Variants in GLIS3 observed in about 807,000 individuals in gnomAD.
GLIS3 encodes the protein GLIS family zinc finger 3.
In GLIS3, 53 loss-of-function variants were observed where a neutral mutation model predicts 78.6. The observed-to-expected ratio is 0.67, with a 90% CI of 0.54 to 0.85. The LOEUF is 0.85. Among genes scored for constraint, GLIS3 ranks in the 40% least tolerant of loss-of-function variants. GLIS3 has a pLI of 0.00. For synonymous variants in GLIS3, 684 were observed against 509.9 expected (o/e 1.34, Z -4.60); for missense variants, 1,703 against 1,231.1 (o/e 1.38, Z -5.74).
chr9:4,350,059 G>C (rs1466592125), upstream of GLIS3, among the ~76,000 whole-genome samples: 1 of 152,242 alleles, frequency 6.6e-6, no homozygotes, highest in African/African-American at 2.4e-5. Flanking sequence ...GAGAGAGTCA[G>C]ATTGCAAGTT....
chr9:4,127,760 T>C (rs1192217668), intron 2 of GLIS3, among the ~76,000 whole-genome samples: 1 of 146,848 alleles, frequency 6.8e-6, no homozygotes, highest in Non-Finnish European at 1.5e-5. Flanking sequence ...AAAAGCAACA[T>C]CAATTATCAA....
chr9:4,014,903 A>T (rs1417093888), intron 4 of GLIS3, among the ~76,000 whole-genome samples: 1 of 152,200 alleles, frequency 6.6e-6, no homozygotes, highest in Non-Finnish European at 1.5e-5. Flanking sequence ...ATTCCTTTCG[A>T]CATTCACTGA....
chr9:4,382,216 C>T, the GLIS3 span, among the ~76,000 whole-genome samples: 1 of 152,120 alleles, frequency 6.6e-6, no homozygotes, highest in African/African-American at 2.4e-5. Flanking sequence ...AATGACACAT[C>T]TGGAAAAATC....
intron 8 of GLIS3, among the ~76,000 whole-genome samples, chr9:3,866,963 C>A (rs1230627230): frequency 1.3e-5 from 2 of 152,058 alleles, no homozygotes; most frequent in African/African-American, 4.8e-5. Flanking sequence ...GTGGCTTGAA[C>A]TAGGGAGGAG....
At chr9:3,987,504 C>G (rs1819837419) in intron 4 of GLIS3, among the ~76,000 whole-genome samples, 1 of 151,658 alleles carries the variant, frequency 6.6e-6, no homozygotes, top group Admixed American at 6.6e-5. Context: ...GAGTTCGAGA[C>G]CAGCCTGGCC....
At chr9:4,238,342 G>C (rs1207930009) in intron 2 of GLIS3, among the ~76,000 whole-genome samples, 1 of 152,142 alleles carries the variant, frequency 6.6e-6, no homozygotes, top group Non-Finnish European at 1.5e-5. Flanking sequence ...TGTTGTTTTG[G>C]TGGAGAGGAA....
At chr9:4,097,771 T>C (rs974797365) in intron 4 of GLIS3, among the ~76,000 whole-genome samples, 1 of 152,196 alleles carries the variant, frequency 6.6e-6, no homozygotes, top group Non-Finnish European at 1.5e-5. Flanking sequence ...AGGCAGTTTA[T>C]TGAGATCATA....
At position 4,118,805 on chromosome 9, in the gene GLIS3, G is replaced by C. The variant is rs1228985198; in HGVS notation, c.673C>G (p.Gln225Glu). The change falls in exon 4 of 11, where the codon CAG becomes GAG. Residue 225 changes from glutamine (Q) to glutamate (E), a missense_variant. Physicochemically the swap from Gln to Glu is conservative, Grantham distance 29. Coordinates refer to ENST00000381971, the MANE Select transcript of GLIS3 (RefSeq NM_001042413.2). The surrounding 1 kb of genome is among the most constrained non-coding windows in gnomAD (Gnocchi z 4.7). ...GCCCTGTAGCCCTGGGACCACTCCT[G>C]CTTCATGCTTGAGGCCGACTGACTT... Reference protein sequence around the residue: ...TESQSASSMKQEWSQGYRALP... With the variant: ...TESQSASSMKEEWSQGYRALP... 6.2e-7 allele frequency: 1 copy of C among 1,609,994 alleles called. No homozygotes were observed.
chr9:4,389,073 T>C, the GLIS3 span, among the ~76,000 whole-genome samples: 4 of 152,212 alleles, frequency 2.6e-5, no homozygotes, highest in Admixed American at 2.6e-4. Flanking sequence ...TAAGCCTGAA[T>C]TGGATGAATG....
intron 4 of GLIS3, among the ~76,000 whole-genome samples, chr9:3,953,762 T>G (rs1032797555): frequency 2.3e-4 from 16 of 70,736 alleles, no homozygotes; most frequent in African/African-American, 7.8e-4. Flanking sequence ...TTAGATTTGC[T>G]CTCTCTCTCT....
At chr9:4,417,196 T>C in the GLIS3 span, among the ~76,000 whole-genome samples, 2 of 152,138 alleles carry the variant, frequency 1.3e-5, no homozygotes, top group East Asian at 3.8e-4. Flanking sequence ...ATATAGTGAT[T>C]TGTGGACTGA....
At chr9:4,022,072 C>T (rs970920247) in intron 4 of GLIS3, among the ~76,000 whole-genome samples, 5 of 152,186 alleles carry the variant, frequency 3.3e-5, no homozygotes, top group African/African-American at 1.2e-4. Flanking sequence ...CAGGTGGTGA[C>T]AACTTAATGT....
chr9:3,971,675 T>C (rs1438295761), intron 4 of GLIS3, among the ~76,000 whole-genome samples: 4 of 152,202 alleles, frequency 2.6e-5, no homozygotes, highest in East Asian at 3.8e-4. Flanking sequence ...GGTTATCTGA[T>C]TGGCACACCG....
chr9:3,886,455 C>T (rs961631910), intron 7 of GLIS3, among the ~76,000 whole-genome samples: 9 of 152,136 alleles, frequency 5.9e-5, no homozygotes, highest in East Asian at 3.8e-4. Context: ...CGTTAAGGAG[C>T]GAAAATGGGC....
At chr9:4,233,724 G>A (rs1340371294) in intron 2 of GLIS3, among the ~76,000 whole-genome samples, 1 of 152,196 alleles carries the variant, frequency 6.6e-6, no homozygotes, top group Non-Finnish European at 1.5e-5. Flanking sequence ...CCTGTCCTTT[G>A]AAGCTTTGAA....
At chr9:4,227,853 T>C (rs1396635818) in intron 2 of GLIS3, among the ~76,000 whole-genome samples, 1 of 152,204 alleles carries the variant, frequency 6.6e-6, no homozygotes, top group Non-Finnish European at 1.5e-5. Context: ...GAATGAAATG[T>C]TCTTCACTTC....
intron 2 of GLIS3, among the ~76,000 whole-genome samples, chr9:4,328,850 A>G (rs1203025281): frequency 6.6e-6 from 1 of 152,222 alleles, no homozygotes. Context: ...CAAGCATCCA[A>G]TAAATGTTCA....
chr9:4,479,435 G>C, the GLIS3 span, among the ~76,000 whole-genome samples: 2 of 152,176 alleles, frequency 1.3e-5, no homozygotes, highest in East Asian at 3.9e-4. Context: ...GGCTCAATTA[G>C]GGCTCAGGGC....
rs141526891 is a variant in GLIS3, at chr9:4,258,666, A to C, written c.388+27372T>G. ...GTTCACTTGTAAATCACCCCTTAGA[A>C]ACCTCAGAAACATCAGTTAGTTTTG... On this transcript the variant is annotated intron_variant, in intron 2 of 10. Coordinates refer to ENST00000381971, the MANE Select transcript of GLIS3 (RefSeq NM_001042413.2). 9.3e-3 allele frequency among the ~76,000 whole-genome samples: 1,410 copies of C among 152,256 alleles called. 9 individuals are homozygous for C. The highest frequency in any genetic ancestry group is 0.014 in the Non-Finnish European group (959 of 68,022).
Sources: gnomAD v4.1 joint callset for allele counts (sites outside exome capture counted in the v4.1 genomes callset) on GRCh38, gnomAD v4.1.1 for gene constraint, Gnocchi (gnomAD v3.1) non-coding constraint, MANE v1.5 for transcripts, NCBI Gene and HGNC (gene_info 2026-07-23, HGNC 2026-07-21) for gene names.